TBC1D5: variants seen among roughly 807,000 people sequenced by gnomAD.
TBC1D5 encodes the protein TBC1 domain family, member 5.
Under a neutral mutation model 100.3 loss-of-function variants are expected in TBC1D5, and 75 were observed. The observed-to-expected ratio is 0.75, with a 90% CI of 0.62 to 0.91. The LOEUF is 0.91. TBC1D5 is among the 40% of genes least tolerant of loss of function. The pLI is 0.00. For missense variants in TBC1D5, 910 were observed against 942.4 expected, an observed-to-expected ratio of 0.97 and a Z score of 0.45; for synonymous variants, 323 against 325.6, an observed-to-expected ratio of 0.99 and a Z score of 0.09.
At position 17,444,445 on chromosome 3, in the gene TBC1D5, T is replaced by A. The variant is rs530765114; in HGVS notation, c.98-15926A>T. ...ATTTAAAAAACTTTTTACAAAGAAA[T>A]TTTAACTGGCTACATAATAATCAAT... On this transcript the variant is annotated intron_variant, in intron 3 of 21. Coordinates refer to ENST00000253692, the Ensembl canonical transcript of TBC1D5. 7.2e-5 allele frequency among the ~76,000 whole-genome samples: 11 copies of A among 152,194 alleles called. No homozygotes were observed. The South Asian group carries it at 2.3e-3, about 32-fold the overall frequency.
chr3:17,436,800 C>T (rs1404253884), intron 3 of TBC1D5, among the ~76,000 whole-genome samples: 2 of 152,016 alleles, frequency 1.3e-5, no homozygotes, highest in Non-Finnish European at 2.9e-5. Context: ...TATGATAGTA[C>T]ATAGTATTAC....
chr3:17,201,285 C>T (rs1006016309), intron 18 of TBC1D5, among the ~76,000 whole-genome samples: 11 of 152,078 alleles, frequency 7.2e-5, no homozygotes, highest in Non-Finnish European at 1.5e-4. Flanking sequence ...AAATATGAAC[C>T]CCAGACCAGG....
At chr3:17,554,438 T>C (rs550728085) in intron 2 of TBC1D5, among the ~76,000 whole-genome samples, 5 of 152,138 alleles carry the variant, frequency 3.3e-5, no homozygotes, top group African/African-American at 7.2e-5. Flanking sequence ...CCTCAAAGGA[T>C]AGTGAAATGG....
At chr3:17,229,274 G>GT (rs1576134705) in intron 17 of TBC1D5, among the ~76,000 whole-genome samples, 1 of 152,142 alleles carries the variant, frequency 6.6e-6, no homozygotes, top group Non-Finnish European at 1.5e-5. Context: ...TATAGTAACA[G>GT]TTTGTTTCCT....
chr3:17,596,315 C>CT (rs397874911), intron 2 of TBC1D5, among the ~76,000 whole-genome samples: 2,304 of 125,986 alleles, frequency 0.018, 42 homozygotes, highest in South Asian at 0.048. Flanking sequence ...TCCAGCTTTC[C>CT]TTTTTTTTTT....
At chr3:17,426,696 T>C (rs1191128177) in intron 4 of TBC1D5, among the ~76,000 whole-genome samples, 1 of 152,038 alleles carries the variant, frequency 6.6e-6, no homozygotes, top group Non-Finnish European at 1.5e-5. Context: ...CATTTAATAC[T>C]AAGATACTTT....
intron 16 of TBC1D5, among the ~76,000 whole-genome samples, chr3:17,240,593 T>C (rs553559912): frequency 7.9e-5 from 12 of 152,178 alleles, no homozygotes; most frequent in African/African-American, 2.9e-4. Flanking sequence ...ACTCATAAAT[T>C]CTGGATTAAC....
chr3:17,308,452 T>C (rs1011805642), intron 13 of TBC1D5, among the ~76,000 whole-genome samples: 13 of 152,106 alleles, frequency 8.5e-5, no homozygotes, highest in African/African-American at 2.7e-4. Context: ...AGTCTGGTAG[T>C]TGCTTCCATA....
intron 13 of TBC1D5, among the ~76,000 whole-genome samples, chr3:17,319,960 T>C (rs1054629377): frequency 3.3e-5 from 5 of 152,210 alleles, no homozygotes; most frequent in Admixed American, 1.3e-4. Flanking sequence ...CAAATAAACA[T>C]ATATACAAAT....
chr3:17,540,905 CAAAAAAAAAAAA>C (rs71634807), intron 2 of TBC1D5, among the ~76,000 whole-genome samples: 25 of 31,458 alleles, frequency 7.9e-4, no homozygotes, highest in South Asian at 2.4e-3. Context: ...GGCTCCATCT[CAAAAAAAAAAAA>C]AAAAAAAAAA....
chr3:17,519,302 G>A (rs1402965581), intron 2 of TBC1D5, among the ~76,000 whole-genome samples: 1 of 152,140 alleles, frequency 6.6e-6, no homozygotes, highest in Non-Finnish European at 1.5e-5. Context: ...GTAAAGGAGG[G>A]CACCATCTCC....
At chr3:17,616,108 A>G (rs1208297576) in intron 2 of TBC1D5, among the ~76,000 whole-genome samples, 2 of 152,204 alleles carry the variant, frequency 1.3e-5, no homozygotes, top group Non-Finnish European at 2.9e-5. Context: ...CATTGGTTTC[A>G]AAGAACATCT....
intron 18 of TBC1D5, among the ~76,000 whole-genome samples, chr3:17,211,335 T>C (rs758345976): frequency 1.4e-4 from 22 of 152,226 alleles, no homozygotes; most frequent in Non-Finnish European, 2.4e-4. Flanking sequence ...CTATACATAC[T>C]GGTGCTCTGG....
intron 3 of TBC1D5, 115 bp from the exon 4 acceptor site, chr3:17,428,634 CT>C: frequency 3.0e-6 from 1 of 336,116 alleles, no homozygotes; most frequent in Non-Finnish European, 5.3e-6. Flanking sequence ...TCCTCTCCCC[CT>C]TCCCCAAATT....
intron 19 of TBC1D5, among the ~76,000 whole-genome samples, chr3:17,175,885 C>G (rs1314643110): frequency 6.6e-6 from 1 of 152,240 alleles, no homozygotes; most frequent in Non-Finnish European, 1.5e-5. Flanking sequence ...TCCTGGTCTG[C>G]ACCTCCCCTG....
chr3:17,368,459 A>C (rs1429500543), intron 13 of TBC1D5, among the ~76,000 whole-genome samples: 1 of 152,082 alleles, frequency 6.6e-6, no homozygotes, highest in Non-Finnish European at 1.5e-5. Context: ...ACTAGATTTA[A>C]GTAATTTGAT....
At chr3:17,351,650 C>G (rs934715682) in intron 13 of TBC1D5, among the ~76,000 whole-genome samples, 3 of 151,946 alleles carry the variant, frequency 2.0e-5, no homozygotes, top group Non-Finnish European at 2.9e-5. Context: ...ATGGGTGCAG[C>G]AAACCACCAT....
chr3:17,204,486 C>G (rs1362036720), intron 18 of TBC1D5, among the ~76,000 whole-genome samples: 1 of 152,206 alleles, frequency 6.6e-6, no homozygotes, highest in Non-Finnish European at 1.5e-5. Flanking sequence ...GTAAATATTT[C>G]TAATTGCTTT....
intron 3 of TBC1D5, among the ~76,000 whole-genome samples, chr3:17,447,898 T>C (rs2094837060): frequency 1.3e-5 from 2 of 152,246 alleles, no homozygotes; most frequent in African/African-American, 4.8e-5. Context: ...AATATGTTTA[T>C]TGGAAATTTG....
Sources: allele counts gnomAD v4.1 joint callset (sites outside exome capture counted in the v4.1 genomes callset), GRCh38; gene constraint gnomAD v4.1.1; transcripts MANE v1.5; gene names NCBI Gene and HGNC (gene_info 2026-07-23, HGNC 2026-07-21).